UBA7: variants seen among roughly 807,000 people sequenced by gnomAD.
UBA7 encodes ubiquitin like modifier activating enzyme 7.
UBA7 carries 88 observed loss-of-function variants against 113.0 expected under a neutral mutation model. The ratio of observed to expected loss-of-function variants is 0.78; its 90% CI spans 0.66 to 0.93. The LOEUF is 0.93. Ranked by LOEUF, UBA7 falls within the 40% of genes least tolerant of loss-of-function variation. The probability of loss-of-function intolerance (pLI) is 0.00; values close to 1 mark genes in which losing one functional copy is unlikely to be tolerated. For synonymous variants in UBA7, 459 were observed against 513.0 expected (o/e 0.89, Z 1.42); for missense variants, 1,092 against 1,266.4 (o/e 0.86, Z 2.09).
chr3:49,811,841 C>A, intron 8 of UBA7, 29 bp downstream of exon 8: 1 of 1,609,730 alleles, frequency 6.2e-7, no homozygotes, highest in East Asian at 2.2e-5. Flanking sequence ...ATGACAGAGG[C>A]TGGGGGTGGG....
Position 49,812,696 on chromosome 3 carries a change from G to A in UBA7, c.510C>T (p.Asp170=), listed in dbSNP as rs763076141. The change falls in exon 5 of 24, where the codon GAC becomes GAT. Residue 170 remains aspartate, a synonymous_variant. Transcript: ENST00000333486. ...CDFGEDFTVQ[D]PTEAEPLTAA... ...CTGTCAGGGGTTCTGCCTCTGTGGG[G>A]TCCTGCACAGTGAAGTCCTCACCAA... 52 of 1,614,100 alleles carry A rather than the reference G, an allele frequency of 3.2e-5. 1 individual carries two copies. Among genetic ancestry groups the A allele is most frequent in the Non-Finnish European group, 4.2e-5 (49 of 1,180,056 alleles).
chr3:49,811,560 C>T, intron 8 of UBA7, 105 bp from the exon 9 acceptor site: 1 of 1,477,210 alleles, frequency 6.8e-7, no homozygotes, highest in Non-Finnish European at 9.1e-7. Flanking sequence ...GAAGAGGAAG[C>T]AGAAGCCTGG....
chr3:49,807,707 G>C lies in UBA7; in HGVS notation c.2715+29C>G. On this transcript the variant is annotated intron_variant, in intron 21 of 23. Coordinates refer to ENST00000333486, the MANE Select transcript of UBA7 (RefSeq NM_003335.3). This position sits in a 1 kb window ranked among gnomAD's most constrained non-coding sequence, Gnocchi z 4.0. Reference sequence around the variant, plus strand: ...GTGCAGGGGAAACCCAGGCCTAGTAGGGCTAAGGGTGGGGTATCATGGGCT... The same window carrying C: ...GTGCAGGGGAAACCCAGGCCTAGTACGGCTAAGGGTGGGGTATCATGGGCT... 1 of 1,575,610 alleles carries C rather than the reference G, an allele frequency of 6.3e-7. No individual in the cohort carries two copies. Among genetic ancestry groups the C allele is most frequent in the East Asian group, 2.2e-5 (1 of 44,562 alleles).
chr3:49,813,396 C>T lies in UBA7; in HGVS notation c.226-13G>A. On this transcript the variant is annotated splice_polypyrimidine_tract_variant and intron_variant, in intron 2 of 23. Transcript: ENST00000333486. The stretch of plus-strand genomic sequence containing the variant: ...CTGAGAGGAGAAACTAGGGAGAGAG[C>T]CAGTGCAGCCTGAGCAAAGACACTC... 6.2e-7 allele frequency: 1 copy of T among 1,611,582 alleles called. No homozygotes were observed.
rs953918149 is a variant in UBA7 at position 49,813,910 on chromosome 3, G to T, written c.-123C>A. ...GTGCAAACAGGAACCAAGGCCAAGC[G>T]AATAAGGGACGCTGCTGGTCACAGC... On this transcript the variant is annotated 5_prime_UTR_variant, in exon 1 of 24. Coordinates refer to ENST00000333486, the MANE Select transcript of UBA7 (RefSeq NM_003335.3). 14 of 1,081,630 alleles carry T rather than the reference G, an allele frequency of 1.3e-5. No homozygotes were observed. In the African/African-American group the frequency reaches 2.1e-4, roughly 16 times the overall value. 67.0% of individuals were successfully genotyped at this position (1,081,630 alleles called of 1,614,324 possible). A position where few individuals can be genotyped will look rare whatever the true frequency, so the allele number is the denominator to read the frequency against.
rs747027968 is a variant in UBA7, at chr3:49,810,727, C to T, written c.1311+25G>A. ...GGCTGGGCTGGCTCTCCCAAAGGCA[C>T]CCCCAGTCTCACCCCACAGCTCACC... On this transcript the variant is annotated intron_variant, in intron 11 of 23. Transcript: ENST00000333486. The surrounding 1 kb of genome is among the most constrained non-coding windows in gnomAD (Gnocchi z 5.6). The T allele has an allele frequency of 1.9e-6, 3 of 1,614,100 alleles. No individual in the cohort carries two copies. Among genetic ancestry groups the T allele is most frequent in the Non-Finnish European group, 2.5e-6 (3 of 1,179,978 alleles).
chr3:49,811,659 T>C, intron 8 of UBA7: 2 of 1,104,720 alleles, frequency 1.8e-6, no homozygotes, highest in East Asian at 2.6e-5. Context: ...TTCACTAATC[T>C]GAGTGCAGCT....
Position 49,813,714 on chromosome 3 carries a change from C to T in UBA7, c.56+18G>A, listed in dbSNP as rs1263312350. 2 of 1,614,242 alleles carry T rather than the reference C, an allele frequency of 1.2e-6. No homozygotes were observed. Among genetic ancestry groups the T allele is most frequent in the Non-Finnish European group, 1.7e-6 (2 of 1,180,032 alleles). ...TCTGAAGACCATCCCACTCTCCACC[C>T]CCCACCTCGGGCCTCACAGCTGTCT... On this transcript the variant is annotated intron_variant, in intron 1 of 23. Transcript: ENST00000333486.
intron 21 of UBA7, 161 bp from the exon 22 acceptor site, chr3:49,806,326 C>A: frequency 1.5e-6 from 1 of 646,784 alleles, no homozygotes; most frequent in Non-Finnish European, 2.7e-6. Context: ...GAGTCTCAGC[C>A]CCCTCCCCGT....
chr3:49,806,274 G>A, intron 21 of UBA7, 109 bp from the exon 22 acceptor site: 1 of 734,910 alleles, frequency 1.4e-6, no homozygotes, highest in Non-Finnish European at 2.2e-6. Flanking sequence ...GGAAACAGGA[G>A]CCAGGGGGTG....
At chr3:49,811,142 C>G in intron 9 of UBA7, 51 bp from the exon 10 acceptor site, 1 of 1,607,842 alleles carries the variant, frequency 6.2e-7, no homozygotes, top group Non-Finnish European at 8.5e-7. Context: ...TGACCCCCCT[C>G]AGATCCTGGC....
intron 2 of UBA7, 48 bp from the exon 3 acceptor site, chr3:49,813,431 C>A: frequency 6.2e-7 from 1 of 1,608,752 alleles, no homozygotes; most frequent in South Asian, 1.1e-5. Context: ...CCTCTTGGGC[C>A]GTGCCCCCAC....
rs1212463982 is a variant in UBA7 at position 49,809,885 on chromosome 3, G to A, written c.1840-6C>T. On this transcript the variant is annotated splice_polypyrimidine_tract_variant and splice_region_variant and intron_variant, in intron 14 of 23. Coordinates refer to ENST00000333486, the MANE Select transcript of UBA7 (RefSeq NM_003335.3). ...TCAAACTCATGCCGGGCCCACTGTG[G>A]AGGAGGGAGGAAGAATGAGGTATCA... 6.2e-7 allele frequency: 1 copy of A among 1,614,216 alleles called. No homozygotes were observed.
Position 49,812,508 on chromosome 3 carries a change from G to A in UBA7, c.594C>T (p.Ala198=), listed in dbSNP as rs2081566736. 1 of 1,614,134 alleles carries A rather than the reference G, an allele frequency of 6.2e-7. No individual in the cohort carries two copies. Among genetic ancestry groups the A allele is most frequent in the South Asian group, 1.1e-5 (1 of 91,080 alleles). The change falls in exon 6 of 24, where the codon GCC becomes GCT. Residue 198 remains alanine (A), a synonymous_variant. Transcript: ENST00000333486. ...CTCCATCACGGAAGTAGTGGGTATT[G>A]GCCCCTTTCCTCAGAGTGAGAATGC... The part of the protein sequence containing the change: ...SPGILTLRKG[A]NTHYFRDGDL...
intron 4 of UBA7, 129 bp from the exon 5 acceptor site, chr3:49,812,867 G>A (rs1470370659): frequency 1.2e-5 from 15 of 1,250,528 alleles, no homozygotes; most frequent in Non-Finnish European, 1.6e-5. Context: ...ACTAGAATTT[G>A]AGAGGGTTAC....
At chr3:49,811,622 CCAGTACCAGACAG>C in intron 8 of UBA7, 167 bp from the exon 9 acceptor site, 1 of 1,152,754 alleles carries the variant, frequency 8.7e-7, no homozygotes, top group South Asian at 1.6e-5. Context: ...CAGAGGATGC[CCAGTACCAGACAG>C]CAGTCCAGGA....
Position 49,809,640 on chromosome 3 carries a change from G to A in UBA7, c.1990C>T (p.Gln664Ter). The change falls in exon 16 of 24, where the codon CAG becomes TAG. Residue 664 changes from glutamine (Q) to a stop codon, truncating the protein, a stop_gained. Transcript: ENST00000333486. LOFTEE classifies it high-confidence loss of function. ...CACGCCACACAGTCTTGCCAGTTCT[G>A]TGGACGCACTCTCAGGACCCCAAGC... ...PVLGVLRVRP[Q>*]NWQDCVAWAL... 6.2e-7 allele frequency: 1 copy of A among 1,614,102 alleles called. No individual in the cohort carries two copies. The highest frequency in any genetic ancestry group is 8.5e-7 in the Non-Finnish European group (1 of 1,180,038).
chr3:49,810,595 GC>G lies in UBA7; in HGVS notation c.1388del (p.Gly463AlafsTer2). The G allele has an allele frequency of 6.2e-7, 1 of 1,614,146 alleles. No individual in the cohort carries two copies. On this transcript the variant is annotated frameshift_variant, in exon 12 of 24. Transcript: ENST00000333486. LOFTEE classifies it high-confidence loss of function. The surrounding 1 kb of genome is among the most constrained non-coding windows in gnomAD (Gnocchi z 5.6). Reference sequence around the variant, plus strand: ...TGTGGTCCATGTCAACAACAGTCAAGCCCCCGCTGTTCCCGGCCCCCAGTCC... The same window carrying G: ...TGTGGTCCATGTCAACAACAGTCAAGCCCCGCTGTTCCCGGCCCCCAGTCC... ...LVGLGAGNSGGLTVVDMDHIE... is the reference protein window; with the variant it reads ...LVGLGAGNSGXLTVVDMDHIE...
Position 49,808,426 on chromosome 3 carries a change from C to T in UBA7, c.2390G>A (p.Trp797Ter). 2.5e-6 allele frequency: 4 copies of T among 1,614,204 alleles called. No homozygotes were observed. Among genetic ancestry groups the T allele is most frequent in the Non-Finnish European group, 3.4e-6 (4 of 1,180,022 alleles). Residue 797 changes from tryptophan to a stop codon, truncating the protein, a stop_gained, in exon 19 of 24, where the codon TGG (tryptophan) becomes TAG (stop). Transcript: ENST00000333486. LOFTEE classifies it high-confidence loss of function. ...AGGCTTCAGGGGAGGGCCCACACTC[C>T]AGACTTCCAGGGCTTTGTTCAGTTC... ...QKELNKALEV[W>*]SVGPPLKPLM...
Sources: allele counts gnomAD v4.1 joint callset, GRCh38; gene constraint gnomAD v4.1.1; non-coding constraint Gnocchi (gnomAD v3.1); transcripts MANE v1.5; gene names NCBI Gene and HGNC (gene_info 2026-07-23, HGNC 2026-07-21).